The following SEC11C variants were observed in gnomAD, a reference collection of about 807,000 sequenced individuals.
SEC11C encodes SEC11 homolog C, signal peptidase complex subunit.
Under a neutral mutation model 21.9 loss-of-function variants are expected in SEC11C, and 10 were observed. The observed-to-expected ratio is 0.46, with a 90% CI of 0.28 to 0.77. The LOEUF is 0.77. Ranked by LOEUF, SEC11C falls within the 30% of genes least tolerant of loss-of-function variation. SEC11C has a pLI of 0.12. For synonymous variants in SEC11C, 83 were observed against 85.6 expected (o/e 0.97, Z 0.17); for missense variants, 145 against 244.5 (o/e 0.59, Z 2.71).
intron 5 of SEC11C, among the ~76,000 whole-genome samples, chr18:59,158,386 C>T (rs1483658043): frequency 2.0e-5 from 3 of 152,166 alleles, no homozygotes; most frequent in Non-Finnish European, 4.4e-5. Context: ...GGGAAACCTG[C>T]GTAGGAGTAA....
chr18:59,144,123 G>A (rs2069244091), intron 1 of SEC11C, among the ~76,000 whole-genome samples: 1 of 151,984 alleles, frequency 6.6e-6, no homozygotes, highest in South Asian at 2.1e-4. Context: ...CAAAGTGCTG[G>A]GATTACAGGC....
chr18:59,140,079 G>A (rs1042893754), intron 1 of SEC11C, 44 bp downstream of exon 1: 60 of 1,504,336 alleles, frequency 4.0e-5, no homozygotes, highest in Non-Finnish European at 5.3e-5. Flanking sequence ...GGGACCGCCT[G>A]TGCTAGCGGG....
intron 2 of SEC11C, among the ~76,000 whole-genome samples, 164 bp downstream of exon 2, chr18:59,149,786 C>T (rs190839427): frequency 1.3e-5 from 2 of 152,092 alleles, no homozygotes; most frequent in Admixed American, 6.5e-5. Flanking sequence ...GAAAATGTTT[C>T]GTTTTTTTTC....
intron 2 of SEC11C, among the ~76,000 whole-genome samples, chr18:59,150,238 G>A (rs762090601): frequency 7.2e-5 from 11 of 152,262 alleles, no homozygotes; most frequent in East Asian, 1.9e-4. Flanking sequence ...AGACGCTGTC[G>A]GTCCAGTGTG....
intron 3 of SEC11C, 70 bp from the exon 4 acceptor site, chr18:59,155,618 T>C: frequency 6.5e-7 from 1 of 1,530,872 alleles, no homozygotes. Context: ...AAGTCTTGAG[T>C]AAACTAATAT....
At chr18:59,149,384 G>A (rs2069319593) in intron 1 of SEC11C, 129 bp from the exon 2 acceptor site, 2 of 578,160 alleles carry the variant, frequency 3.5e-6, no homozygotes, top group South Asian at 2.4e-5. Context: ...GCAGAATTTT[G>A]TACCTTGTGT....
At position 59,158,628 on chromosome 18, in the gene SEC11C, C is replaced by G. The variant is rs971932866; in HGVS notation, c.526-4C>G. The G allele has an allele frequency of 5.0e-6, 8 of 1,613,070 alleles. No individual in the cohort carries two copies. In the African/African-American group the frequency reaches 8.0e-5, roughly 16 times the overall value. On this transcript the variant is annotated splice_region_variant and splice_polypyrimidine_tract_variant and intron_variant, in intron 5 of 5. Coordinates refer to ENST00000587834, the MANE Select transcript of SEC11C (RefSeq NM_033280.4). ...AGTGATTTTCCATTGTGTTTTCTTT[C>G]CAGTATGCTCTTTTGGCTGTAATGG...
At chr18:59,155,573 TTGAC>T (rs775547053) in intron 3 of SEC11C, 111 bp from the exon 4 acceptor site, 9 of 1,091,728 alleles carry the variant, frequency 8.2e-6, no homozygotes, top group African/African-American at 1.6e-5. Flanking sequence ...CAGGTTATCT[TTGAC>T]TGTTTTTCTA....
chr18:59,149,533 C>T lies in SEC11C; in HGVS notation c.108C>T (p.Asn36=). The T allele has an allele frequency of 7.5e-6, 12 of 1,610,288 alleles. No homozygotes were observed. Among genetic ancestry groups the T allele is most frequent in the Non-Finnish European group, 1.0e-5 (12 of 1,176,886 alleles). Reference sequence around the variant, plus strand: ...TCCAGCTCTATTACCAGGTTTTAAACTTCGCCATGATCGTGTCTTCTGCAC... The same window carrying T: ...TCCAGCTCTATTACCAGGTTTTAAATTTCGCCATGATCGTGTCTTCTGCAC... The part of the protein sequence containing the change: ...NKRQLYYQVL[N]FAMIVSSALM... The change falls in exon 2 of 6, where the codon AAC becomes AAT. Residue 36 remains asparagine, a synonymous_variant. Transcript: ENST00000587834.
intron 3 of SEC11C, among the ~76,000 whole-genome samples, chr18:59,154,676 A>T (rs988029035): frequency 6.6e-6 from 1 of 152,228 alleles, no homozygotes; most frequent in Non-Finnish European, 1.5e-5. Flanking sequence ...GACAGCCTAG[A>T]GCACACTTGG....
intron 1 of SEC11C, among the ~76,000 whole-genome samples, chr18:59,145,987 C>T (rs1283138193): frequency 6.6e-6 from 1 of 152,208 alleles, no homozygotes; most frequent in Admixed American, 6.5e-5. Context: ...GATGTTCAAA[C>T]AACAATAAAA....
At chr18:59,144,947 T>G (rs1489263896) in intron 1 of SEC11C, among the ~76,000 whole-genome samples, 2 of 150,724 alleles carry the variant, frequency 1.3e-5, no homozygotes, top group African/African-American at 4.9e-5. Flanking sequence ...AAGATGTTTA[T>G]TTTATCACTA....
chr18:59,152,538 G>A lies in SEC11C; in HGVS notation c.200G>A (p.Gly67Asp). 6.3e-7 allele frequency: 1 copy of A among 1,597,208 alleles called. No individual in the cohort carries two copies. Residue 67 changes from glycine to aspartate, a missense_variant and splice_region_variant, in exon 3 of 6, where the codon GGC (glycine) becomes GAC (aspartate). Transcript: ENST00000587834. ...SESPIVVVLS[G>D]SMEPAFHRGD... The stretch of plus-strand genomic sequence containing the variant: ...ACTGACTTTGTGCTTCTTTCCAGTG[G>A]CAGTATGGAGCCGGCCTTTCACAGA...
At chr18:59,157,807 G>C (rs2069435305) in intron 5 of SEC11C, 142 bp downstream of exon 5, 1 of 623,318 alleles carries the variant, frequency 1.6e-6, no homozygotes. Context: ...ACAAATTAAT[G>C]TAGTCATTTA....
At chr18:59,143,303 A>G (rs1445561627) in intron 1 of SEC11C, among the ~76,000 whole-genome samples, 1 of 147,746 alleles carries the variant, frequency 6.8e-6, no homozygotes, top group Non-Finnish European at 1.5e-5. Context: ...TAGTGAGCAG[A>G]GATCGCGCCA....
At chr18:59,154,954 T>C (rs998526116) in intron 3 of SEC11C, among the ~76,000 whole-genome samples, 1 of 152,142 alleles carries the variant, frequency 6.6e-6, no homozygotes, top group African/African-American at 2.4e-5. Flanking sequence ...TAATCCCAGC[T>C]ACTCAGAGAC....
chr18:59,141,775 T>A (rs2069213674), intron 1 of SEC11C, among the ~76,000 whole-genome samples: 1 of 152,156 alleles, frequency 6.6e-6, no homozygotes, highest in Non-Finnish European at 1.5e-5. Context: ...CTGCCCCTGC[T>A]TACTATTAAA....
chr18:59,152,516 GACTT>G lies in SEC11C; in HGVS notation c.198-19_198-16del. On this transcript the variant is annotated splice_polypyrimidine_tract_variant and intron_variant, in intron 2 of 5. Coordinates refer to ENST00000587834, the MANE Select transcript of SEC11C (RefSeq NM_033280.4). ...TTGGACACAGGGTAATGCTGATACT[GACTT>G]TGTGCTTCTTTCCAGTGGCAGTATG... is the stretch of plus-strand genomic sequence containing the variant. 1 of 1,588,452 alleles carries G rather than the reference GACTT, an allele frequency of 6.3e-7. No individual in the cohort carries two copies. Among genetic ancestry groups the G allele is most frequent in the Non-Finnish European group, 8.5e-7 (1 of 1,170,982 alleles).
chr18:59,146,399 G>A (rs137935414), intron 1 of SEC11C, among the ~76,000 whole-genome samples: 67 of 152,332 alleles, frequency 4.4e-4, no homozygotes, highest in African/African-American at 1.4e-3. Flanking sequence ...GCAGTTGGAA[G>A]TCTCTGAATT....
Sources: allele counts gnomAD v4.1 joint callset (sites outside exome capture counted in the v4.1 genomes callset), GRCh38; gene constraint gnomAD v4.1.1; transcripts MANE v1.5; gene names NCBI Gene and HGNC (gene_info 2026-07-23, HGNC 2026-07-21).